The following GFOD1 variants were observed in gnomAD, a reference collection of about 807,000 sequenced individuals.
GFOD1 encodes the protein Gfo/Idh/MocA-like oxidoreductase domain containing 1.
In GFOD1, 9 loss-of-function variants were observed where a neutral mutation model predicts 25.4. The ratio of observed to expected loss-of-function variants is 0.35; its 90% CI spans 0.21 to 0.62. The LOEUF (loss-of-function observed/expected upper bound fraction) is 0.62. Among genes scored for constraint, GFOD1 ranks in the 20% least tolerant of loss-of-function variants. The probability of loss-of-function intolerance (pLI) is 0.72; values close to 1 mark genes in which losing one functional copy is unlikely to be tolerated. For synonymous variants in GFOD1, 253 were observed against 245.6 expected (o/e 1.03, Z -0.28); for missense variants, 403 against 556.9 (o/e 0.72, Z 2.78).
intron 1 of GFOD1, among the ~76,000 whole-genome samples, chr6:13,472,265 C>A (rs1304772553): frequency 6.6e-6 from 1 of 152,138 alleles, no homozygotes; most frequent in Non-Finnish European, 1.5e-5. Flanking sequence ...ATCAAAACTG[C>A]ATTTTTCATT....
intron 1 of GFOD1, among the ~76,000 whole-genome samples, chr6:13,452,879 T>C (rs1449342218): frequency 3.3e-5 from 5 of 152,218 alleles, no homozygotes; most frequent in Admixed American, 3.3e-4. Context: ...TGAAGCTCAG[T>C]GTTCCTTGGC....
intron 1 of GFOD1, among the ~76,000 whole-genome samples, chr6:13,426,815 T>A (rs1464191075): frequency 6.6e-6 from 1 of 152,208 alleles, no homozygotes; most frequent in Non-Finnish European, 1.5e-5. Flanking sequence ...TGTCGACTTC[T>A]GCCCAGCTTT....
chr6:13,360,566 C>A lies in GFOD1; in HGVS notation c.*4177G>T, dbSNP rs140105836. 3.6e-4 allele frequency: 140 copies of A among 386,254 alleles called. 1 individual carries two copies. Among genetic ancestry groups the A allele is most frequent in the African/African-American group, 2.8e-3 (133 of 48,168 alleles). 23.9% of individuals were successfully genotyped at this position (386,254 alleles called of 1,614,324 possible). On this transcript the variant is annotated 3_prime_UTR_variant, in exon 2 of 2. Coordinates refer to ENST00000379287, the MANE Select transcript of GFOD1 (RefSeq NM_018988.4). ...TCAGCCAACAAGATTTTGAAAATCC[C>A]CAGCCCTGAGGCTTGCTGCATCACC...
chr6:13,428,194 A>G (rs1016367841), intron 1 of GFOD1, among the ~76,000 whole-genome samples: 10 of 152,170 alleles, frequency 6.6e-5, no homozygotes, highest in Admixed American at 5.2e-4. Context: ...AGTGTTAGAA[A>G]AGGAAAACCA....
intron 1 of GFOD1, among the ~76,000 whole-genome samples, chr6:13,479,730 A>C (rs929478651): frequency 6.6e-6 from 1 of 152,230 alleles, no homozygotes; most frequent in African/African-American, 2.4e-5. Context: ...AACTGCACCT[A>C]ATTTCAATTA....
intron 1 of GFOD1, chr6:13,407,936 C>G: frequency 2.0e-6 from 2 of 985,030 alleles, no homozygotes; most frequent in Non-Finnish European, 2.4e-6. Context: ...CGGAGATTGC[C>G]CAACCAAAGA....
At chr6:13,366,706 G>C (rs1785055395) in intron 1 of GFOD1, among the ~76,000 whole-genome samples, 1 of 151,788 alleles carries the variant, frequency 6.6e-6, no homozygotes, top group South Asian at 2.1e-4. Context: ...TATTGTTCAG[G>C]CCGGTCTCGA....
chr6:13,412,233 T>C (rs1421405324), intron 1 of GFOD1, among the ~76,000 whole-genome samples: 1 of 152,016 alleles, frequency 6.6e-6, no homozygotes, highest in Admixed American at 6.6e-5. Context: ...TTTATGGAGG[T>C]AATTAGGTTA....
Position 13,362,737 on chromosome 6 carries a change from T to G in GFOD1, c.*2006A>C, listed in dbSNP as rs1784967030. ...TCCAGGAAGGCAGTACTTACTTCTC[T>G]GTTCTAGAAAATGCCCAGCATTCCC... On this transcript the variant is annotated 3_prime_UTR_variant, in exon 2 of 2. Coordinates refer to ENST00000379287, the MANE Select transcript of GFOD1 (RefSeq NM_018988.4). 2 of 152,236 alleles carry G rather than the reference T, an allele frequency of 1.3e-5. No individual in the cohort carries two copies. The highest frequency in any genetic ancestry group is 1.3e-4 in the Admixed American group (2 of 15,288). The allele number at this position is 152,236 out of a possible 1,614,324, so 9.4% of individuals were successfully genotyped here. A position where few individuals can be genotyped will look rare whatever the true frequency, so the allele number is the denominator to read the frequency against.
intron 1 of GFOD1, among the ~76,000 whole-genome samples, chr6:13,371,448 T>C (rs1044673826): frequency 1.3e-5 from 2 of 152,174 alleles, no homozygotes; most frequent in Non-Finnish European, 2.9e-5. Flanking sequence ...CAGGTTTACA[T>C]CCTCTTGTGG....
intron 1 of GFOD1, among the ~76,000 whole-genome samples, chr6:13,424,626 T>G (rs1786320209): frequency 6.6e-6 from 1 of 152,240 alleles, no homozygotes; most frequent in Non-Finnish European, 1.5e-5. Context: ...AATCATTATT[T>G]TGTTTTAAGA....
Position 13,365,444 on chromosome 6 carries a change from T to C in GFOD1, c.472A>G (p.Lys158Glu), listed in dbSNP as rs1461045827. The C allele has an allele frequency of 6.2e-7, 1 of 1,613,774 alleles. No individual in the cohort carries two copies. The highest frequency in any genetic ancestry group is 1.3e-5 in the African/African-American group (1 of 74,936). ...VQVHGGSLLGKKYNWSCDDLM... is the reference protein window; with the variant it reads ...VQVHGGSLLGEKYNWSCDDLM... Reference sequence around the variant, plus strand: ...TCGTCGCAGCTCCAGTTGTACTTCTTGCCCAGCAGGCTGCCGCCGTGCACC... The same window carrying C: ...TCGTCGCAGCTCCAGTTGTACTTCTCGCCCAGCAGGCTGCCGCCGTGCACC... Residue 158 changes from lysine to glutamate, a missense_variant, in exon 2 of 2, where the codon AAG (lysine) becomes GAG (glutamate). Lys to Glu is a moderately conservative substitution (Grantham distance 56). Transcript: ENST00000379287. The surrounding 1 kb of genome is among the most constrained non-coding windows in gnomAD (Gnocchi z 9.2).
rs1253126991 is a variant in GFOD1 at position 13,430,798 on chromosome 6, C to T, written c.253+55840G>A. On this transcript the variant is annotated intron_variant, in intron 1 of 1. Coordinates refer to ENST00000379287, the MANE Select transcript of GFOD1 (RefSeq NM_018988.4). The surrounding 1 kb of genome is among the most constrained non-coding windows in gnomAD (Gnocchi z 4.1). ...TACTCCCTCCTCCTCCTGTCAGGCTCGCTACCAAACTCTACTCCTCACCCT... is the reference window on the plus strand; with the variant it reads ...TACTCCCTCCTCCTCCTGTCAGGCTTGCTACCAAACTCTACTCCTCACCCT... Among the ~76,000 whole-genome samples, 2 of 152,112 alleles carry T rather than the reference C, an allele frequency of 1.3e-5. No homozygotes were observed. Among genetic ancestry groups the T allele is most frequent in the Non-Finnish European group, 1.5e-5 (1 of 68,020 alleles).
intron 1 of GFOD1, among the ~76,000 whole-genome samples, chr6:13,415,778 C>T (rs485804): frequency 0.57 from 87,008 of 152,126 alleles, 28,728 homozygotes; most frequent in Non-Finnish European, 0.73. Context: ...GATGGCCATC[C>T]GCCTAACTGA....
intron 1 of GFOD1, among the ~76,000 whole-genome samples, chr6:13,409,922 CAAAAAAAAAAA>C (rs757548005): frequency 1.4e-5 from 1 of 72,074 alleles, no homozygotes; most frequent in African/African-American, 3.9e-5. Context: ...GGCTCCATTT[CAAAAAAAAAAA>C]AAAAAAAGAA....
chr6:13,364,123 C>T lies in GFOD1; in HGVS notation c.*620G>A, dbSNP rs1784993216. The T allele has an allele frequency of 6.6e-6, 1 of 152,514 alleles. No homozygotes were observed. The highest frequency in any genetic ancestry group is 6.5e-5 in the Admixed American group (1 of 15,314). The allele number at this position is 152,514 out of a possible 1,614,324, so 9.4% of individuals were successfully genotyped here. A position where few individuals can be genotyped will look rare whatever the true frequency, so the allele number is the denominator to read the frequency against. ...CAAGTACAAAGACACACCCTCAGTG[C>T]TTCCTATGAGGAAGCCCAATCAATC... is the stretch of plus-strand genomic sequence containing the variant. On this transcript the variant is annotated 3_prime_UTR_variant, in exon 2 of 2. Coordinates refer to ENST00000379287, the MANE Select transcript of GFOD1 (RefSeq NM_018988.4). This position sits in a 1 kb window ranked among gnomAD's most constrained non-coding sequence, Gnocchi z 4.1.
intron 1 of GFOD1, among the ~76,000 whole-genome samples, chr6:13,478,943 G>C (rs1758688386): frequency 6.6e-6 from 1 of 152,028 alleles, no homozygotes; most frequent in Admixed American, 6.6e-5. Flanking sequence ...CTTCAGAGCA[G>C]CATGGTGAGC....
At chr6:13,486,477 A>C in intron 1 of GFOD1, 161 bp downstream of exon 1, 2 of 654,698 alleles carry the variant, frequency 3.1e-6, no homozygotes, top group Non-Finnish European at 5.2e-6. Context: ...GGGACGAGGA[A>C]GGAGGGAGCT....
At chr6:13,482,141 C>G (rs540867995) in intron 1 of GFOD1, among the ~76,000 whole-genome samples, 2 of 148,198 alleles carry the variant, frequency 1.3e-5, no homozygotes, top group South Asian at 4.2e-4. Context: ...ACATGTATAT[C>G]TATAAATATG....
Sources: gnomAD v4.1 joint callset for allele counts (sites outside exome capture counted in the v4.1 genomes callset) on GRCh38, gnomAD v4.1.1 for gene constraint, Gnocchi (gnomAD v3.1) non-coding constraint, MANE v1.5 for transcripts, NCBI Gene and HGNC (gene_info 2026-07-23, HGNC 2026-07-21) for gene names.